The following CABIN1 variants were observed in gnomAD, a reference collection of about 807,000 sequenced individuals.
CABIN1 encodes the protein calcineurin-binding protein cabin-1.
In CABIN1, 133 loss-of-function variants were observed where a neutral mutation model predicts 227.7. The observed-to-expected ratio is 0.58, with a 90% CI of 0.51 to 0.67. CABIN1 has a LOEUF of 0.67. Among genes scored for constraint, CABIN1 ranks in the 30% least tolerant of loss-of-function variants. CABIN1 has a pLI of 0.00. For missense variants in CABIN1, 2,408 were observed against 2,852.5 expected (o/e 0.84, Z 3.55); for synonymous variants, 1,086 against 1,155.1 (o/e 0.94, Z 1.21).
At chr22:24,083,833 T>G (rs1386643608) in intron 20 of CABIN1, among the ~76,000 whole-genome samples, 2 of 152,240 alleles carry the variant, frequency 1.3e-5, no homozygotes, top group East Asian at 3.8e-4. Flanking sequence ...CGATAGTTTA[T>G]TTCTATTTTG....
At chr22:24,021,590 A>G (rs947926786) in intron 1 of CABIN1, among the ~76,000 whole-genome samples, 10 of 152,226 alleles carry the variant, frequency 6.6e-5, no homozygotes, top group African/African-American at 2.4e-4. Flanking sequence ...GCACACTGCC[A>G]TACTTGGTGC....
intron 29 of CABIN1, among the ~76,000 whole-genome samples, chr22:24,137,819 G>C (rs1643594205): frequency 6.6e-6 from 1 of 152,248 alleles, no homozygotes; most frequent in African/African-American, 2.4e-5. Flanking sequence ...TTATGAAGGA[G>C]CATTTAGGGC....
chr22:24,063,922 A>G, intron 14 of CABIN1, 113 bp from the exon 15 acceptor site: 1 of 1,388,932 alleles, frequency 7.2e-7, no homozygotes, highest in Non-Finnish European at 1.0e-6. Flanking sequence ...GTAATTGGTA[A>G]AAAACCCACC....
rs1377828481 is a variant in CABIN1, at chr22:24,165,597, C to T, written c.4978C>T (p.Leu1660Phe). 2 of 1,612,978 alleles carry T rather than the reference C, an allele frequency of 1.2e-6. No individual in the cohort carries two copies. Among genetic ancestry groups the T allele is most frequent in the Non-Finnish European group, 1.7e-6 (2 of 1,179,956 alleles). ...GGCCTTCATCCTCACTGTGAAGGTG[C>T]TCGAAGACACGCTGAGCGAGCTCGC... is the stretch of plus-strand genomic sequence containing the variant. ...QRAFILTVKV[L>F]EDTLSELAEG... is the part of the protein sequence containing the mutation. Residue 1660 changes from leucine (L) to phenylalanine (F), a missense_variant, in exon 31 of 37, where the codon CTC (leucine) becomes TTC (phenylalanine). Coordinates refer to ENST00000263119, the MANE Select transcript of CABIN1 (RefSeq NM_012295.4).
At chr22:24,136,347 CTTTTTTTTTTTT>C (rs71184947) in intron 29 of CABIN1, among the ~76,000 whole-genome samples, 4 of 113,226 alleles carry the variant, frequency 3.5e-5, no homozygotes, top group Admixed American at 9.1e-5. Context: ...GCCATCCCTC[CTTTTTTTTTTTT>C]TTTTTTTTTT....
Position 24,062,134 on chromosome 22 carries a change from TA to T in CABIN1, c.1696+110del, listed in dbSNP as rs2039237630. 3 of 889,264 alleles carry T rather than the reference TA, an allele frequency of 3.4e-6. No homozygotes were observed. The South Asian group carries it at 4.1e-5, about 12-fold the overall frequency. 55.1% of individuals were successfully genotyped at this position (889,264 alleles called of 1,614,324 possible). Reference sequence around the variant, plus strand: ...ATGGAATTTAGCCTTATATCTACAGTAGGCACATTTTTTGGGTTGGCTTGTC... The same window carrying T: ...ATGGAATTTAGCCTTATATCTACAGTGGCACATTTTTTGGGTTGGCTTGTC... On this transcript the variant is annotated intron_variant, in intron 13 of 36. Transcript: ENST00000263119.
intron 29 of CABIN1, among the ~76,000 whole-genome samples, chr22:24,147,571 C>G (rs1449546526): frequency 1.3e-5 from 2 of 151,730 alleles, no homozygotes; most frequent in African/African-American, 4.8e-5. Flanking sequence ...GCCCTAGCCT[C>G]CCAAGTAGCT....
At chr22:24,033,350 G>C (rs187954016) in intron 1 of CABIN1, among the ~76,000 whole-genome samples, 2 of 152,254 alleles carry the variant, frequency 1.3e-5, no homozygotes, top group East Asian at 3.9e-4. Context: ...TTTTAATAGA[G>C]ACAGGGTCTC....
At chr22:24,151,646 AT>A (rs1735728233) in intron 29 of CABIN1, among the ~76,000 whole-genome samples, 1 of 151,990 alleles carries the variant, frequency 6.6e-6, no homozygotes, top group Admixed American at 6.6e-5. Context: ...GAGGCTCTTG[AT>A]TCCATCAGAT....
Position 24,178,530 on chromosome 22 carries a change from T to C in CABIN1, c.*334T>C. On this transcript the variant is annotated 3_prime_UTR_variant, in exon 37 of 37. Transcript: ENST00000263119. ...CCATATCCACCCCTCGACGCCGGGA[T>C]GAGCCGGCTCTGCCTGTGTCACAGT... 2.7e-6 allele frequency: 1 copy of C among 376,840 alleles called. No individual in the cohort carries two copies. The highest frequency in any genetic ancestry group is 5.1e-6 in the Non-Finnish European group (1 of 196,884). 23.3% of individuals were successfully genotyped at this position (376,840 alleles called of 1,614,324 possible). A position where few individuals can be genotyped will look rare whatever the true frequency, so the allele number is the denominator to read the frequency against.
chr22:24,164,216 T>C (rs2046317377), intron 29 of CABIN1, among the ~76,000 whole-genome samples, 184 bp from the exon 30 acceptor site: 1 of 152,142 alleles, frequency 6.6e-6, no homozygotes, highest in South Asian at 2.1e-4. Context: ...CTGCCACTCA[T>C]GAGAAGGAAG....
At chr22:24,136,602 G>A (rs1317500584) in intron 29 of CABIN1, among the ~76,000 whole-genome samples, 1 of 141,782 alleles carries the variant, frequency 7.1e-6, no homozygotes, top group Admixed American at 7.5e-5. Flanking sequence ...CTGGCCTCAA[G>A]TGATCCGCCC....
chr22:24,156,820 A>G lies in CABIN1; in HGVS notation c.4747-7580A>G, dbSNP rs373210350. On this transcript the variant is annotated intron_variant, in intron 29 of 36. Coordinates refer to ENST00000263119, the MANE Select transcript of CABIN1 (RefSeq NM_012295.4). ...GCAGAGTTGGCGGCGGGGCTCTCCC[A>G]TGCACTTGGTTGTTTGTCGTTTCTG... Among the ~76,000 whole-genome samples, 23 of 152,192 alleles carry G rather than the reference A, an allele frequency of 1.5e-4. No individual in the cohort carries two copies. In the South Asian group the frequency reaches 4.2e-3, roughly 28 times the overall value.
intron 12 of CABIN1, among the ~76,000 whole-genome samples, chr22:24,060,829 G>A (rs1372291887): frequency 1.3e-5 from 2 of 152,162 alleles, no homozygotes; most frequent in African/African-American, 4.8e-5. Context: ...GAACCCGGGA[G>A]GCGGAGCTTG....
chr22:24,170,163 G>C, intron 33 of CABIN1: 3 of 458,200 alleles, frequency 6.5e-6, no homozygotes, highest in Non-Finnish European at 1.3e-5. Context: ...GGTATCTGCC[G>C]TGGGCAGATT....
At position 24,067,041 on chromosome 22, in the gene CABIN1, C is replaced by A; in HGVS notation, c.2092C>A (p.Arg698=). ...GTGCCAGTCCCTGGAGGAGATTCAG[C>A]GGCTGTATGAAGCAGGCGACTACAA... The part of the protein sequence containing the change: ...ERCQSLEEIQ[R]LYEAGDYKAV... The change falls in exon 16 of 37, where the codon CGG becomes AGG. Residue 698 remains arginine, a synonymous_variant. Transcript: ENST00000263119. The A allele has an allele frequency of 6.2e-7, 1 of 1,614,208 alleles. No homozygotes were observed. Among genetic ancestry groups the A allele is most frequent in the Non-Finnish European group, 8.5e-7 (1 of 1,180,042 alleles).
At chr22:24,176,045 C>CA in intron 34 of CABIN1, 66 bp from the exon 35 acceptor site, 4 of 1,546,018 alleles carry the variant, frequency 2.6e-6, no homozygotes, top group Non-Finnish European at 3.5e-6. Flanking sequence ...TAGGACCTGA[C>CA]ACAGATGCGT....
Position 24,103,600 on chromosome 22 carries a change from T to A in CABIN1, c.4117+5408T>A, listed in dbSNP as rs75455473. 2.5e-3 allele frequency among the ~76,000 whole-genome samples: 380 copies of A among 152,278 alleles called. 1 individual carries two copies. Among genetic ancestry groups the A allele is most frequent in the Non-Finnish European group, 4.3e-3 (295 of 68,020 alleles). Reference sequence around the variant, plus strand: ...TTGGAGTGCCATTCCTAAACAGACCTTCTCAAAGTGGGAGAGACTGTAAGT... The same window carrying A: ...TTGGAGTGCCATTCCTAAACAGACCATCTCAAAGTGGGAGAGACTGTAAGT... On this transcript the variant is annotated intron_variant, in intron 26 of 36. Transcript: ENST00000263119.
chr22:24,023,827 G>T (rs770952501), intron 1 of CABIN1, among the ~76,000 whole-genome samples: 22 of 150,848 alleles, frequency 1.5e-4, no homozygotes, highest in Non-Finnish European at 2.4e-4. Flanking sequence ...TCTGCCTCCC[G>T]GGCCCAAGCA....
Sources: gnomAD v4.1 joint callset for allele counts (sites outside exome capture counted in the v4.1 genomes callset) on GRCh38, gnomAD v4.1.1 for gene constraint, MANE v1.5 for transcripts, NCBI Gene and HGNC (gene_info 2026-07-23, HGNC 2026-07-21) for gene names.